The following ARID1B variants were observed in gnomAD, a reference collection of about 807,000 sequenced individuals.
ARID1B encodes the protein AT-rich interaction domain 1B.
Under a neutral mutation model 212.3 loss-of-function variants are expected in ARID1B, and 30 were observed. The ratio of observed to expected loss-of-function variants is 0.14; its 90% CI spans 0.11 to 0.19. The LOEUF (loss-of-function observed/expected upper bound fraction) is 0.19, where lower values mean the gene tolerates loss of function less well. ARID1B is among the 10% of genes least tolerant of loss of function. ARID1B has a pLI of 1.00. For missense variants in ARID1B, 2,891 were observed against 3,204.0 expected (o/e 0.90, Z 2.36); for synonymous variants, 1,402 against 1,301.7 (o/e 1.08, Z -1.66).
rs138510924 is a variant in ARID1B, at chr6:157,183,960, T to A, written c.3715-271T>A. Among the ~76,000 whole-genome samples the A allele has an allele frequency of 5.5e-3, 844 of 152,298 alleles. 10 individuals carry two copies. Among genetic ancestry groups the A allele is most frequent in the African/African-American group, 0.019 (810 of 41,554 alleles). ...GTTTTGAGATGCCCTTTTTCCTTAATTGGAGGTGCAGTGGGATGAGCGTGA... is the reference window on the plus strand; with the variant it reads ...GTTTTGAGATGCCCTTTTTCCTTAAATGGAGGTGCAGTGGGATGAGCGTGA... On this transcript the variant is annotated intron_variant, in intron 12 of 19. Coordinates refer to ENST00000636930, the MANE Select transcript of ARID1B (RefSeq NM_001374828.1).
chr6:157,149,786 C>CA (rs1376224521), intron 8 of ARID1B: 1 of 152,056 alleles, frequency 6.6e-6, no homozygotes, highest in Non-Finnish European at 1.5e-5. Context: ...CGATTTTTGT[C>CA]AAAGGGAAGC....
intron 4 of ARID1B, chr6:157,071,445 A>G (rs1402147679): frequency 6.6e-6 from 1 of 152,262 alleles, no homozygotes; most frequent in Non-Finnish European, 1.5e-5. Context: ...CAAATGAAAC[A>G]GGAACTTTAA....
In ARID1B at chr6:157,208,928, C is replaced by T. The variant is rs1583521226; in HGVS notation, c.*1037C>T. 1 of 228,280 alleles carries T rather than the reference C, an allele frequency of 4.4e-6. No homozygotes were observed. The highest frequency in any genetic ancestry group is 6.2e-5 in the East Asian group (1 of 16,032). 14.1% of individuals were successfully genotyped at this position (228,280 alleles called of 1,614,324 possible). A position where few individuals can be genotyped will look rare whatever the true frequency, so the allele number is the denominator to read the frequency against. ...GTTTCTGTATGTATAAAGTCATGCT[C>T]GATTTCAGGAGAGCAGCTGATCACA... On this transcript the variant is annotated 3_prime_UTR_variant, in exon 20 of 20. Coordinates refer to ENST00000636930, the MANE Select transcript of ARID1B (RefSeq NM_001374828.1).
chr6:156,878,176 T>A (rs1270845037), intron 2 of ARID1B, among the ~76,000 whole-genome samples: 1 of 152,128 alleles, frequency 6.6e-6, no homozygotes, highest in African/African-American at 2.4e-5. Context: ...ATTTTGAGGC[T>A]CTCCTTTAGT....
intron 3 of ARID1B, among the ~76,000 whole-genome samples, chr6:156,920,930 C>T (rs1440660738): frequency 6.6e-6 from 1 of 151,886 alleles, no homozygotes; most frequent in African/African-American, 2.4e-5. Flanking sequence ...TCTCAGCTCA[C>T]CACAACCTCC....
chr6:157,106,158 TA>T (rs1786463284), intron 5 of ARID1B, among the ~76,000 whole-genome samples: 1 of 151,912 alleles, frequency 6.6e-6, no homozygotes, highest in South Asian at 2.1e-4. Context: ...TTGAGTAAAC[TA>T]TGGAGCACTC....
chr6:156,912,085 A>G (rs1471202336), intron 3 of ARID1B, among the ~76,000 whole-genome samples: 1 of 152,176 alleles, frequency 6.6e-6, no homozygotes, highest in African/African-American at 2.4e-5. Context: ...CATGTAATGC[A>G]TATATAATAT....
intron 5 of ARID1B, among the ~76,000 whole-genome samples, chr6:157,098,219 C>A (rs1269105762): frequency 6.6e-6 from 1 of 152,184 alleles, no homozygotes; most frequent in Non-Finnish European, 1.5e-5. Context: ...CCGCCTCTTA[C>A]CTTACATCAA....
chr6:156,956,476 C>T (rs1241301845), intron 4 of ARID1B, among the ~76,000 whole-genome samples: 3 of 152,112 alleles, frequency 2.0e-5, no homozygotes, highest in African/African-American at 4.8e-5. Flanking sequence ...CTGGAGGTGG[C>T]CTCTAGGGAC....
At chr6:157,178,277 A>G (rs138327629) in intron 11 of ARID1B, among the ~76,000 whole-genome samples, 2 of 152,304 alleles carry the variant, frequency 1.3e-5, no homozygotes, top group African/African-American at 4.8e-5. Context: ...CTCATGGAAA[A>G]AAAAAATGCT....
intron 2 of ARID1B, among the ~76,000 whole-genome samples, chr6:156,900,757 A>G (rs1335435165): frequency 6.6e-6 from 1 of 152,174 alleles, no homozygotes; most frequent in Non-Finnish European, 1.5e-5. Flanking sequence ...GATTGAGGCC[A>G]TTTTTGTCTA....
intron 4 of ARID1B, among the ~76,000 whole-genome samples, chr6:157,060,100 A>G (rs1041082536): frequency 1.3e-5 from 2 of 152,204 alleles, no homozygotes; most frequent in African/African-American, 4.8e-5. Context: ...AAAAGAATGT[A>G]ATTAGTGAAA....
chr6:157,084,139 C>G (rs1025174138), intron 4 of ARID1B, among the ~76,000 whole-genome samples: 33 of 149,262 alleles, frequency 2.2e-4, no homozygotes, highest in African/African-American at 6.9e-4. Context: ...CATCACCTCC[C>G]CCCCAAAAAA....
At chr6:157,021,091 T>C (rs1780213208) in intron 4 of ARID1B, among the ~76,000 whole-genome samples, 1 of 151,330 alleles carries the variant, frequency 6.6e-6, no homozygotes, top group African/African-American at 2.4e-5. Flanking sequence ...GGCTGCGCTT[T>C]TACTCTTGGT....
intron 4 of ARID1B, among the ~76,000 whole-genome samples, chr6:156,953,273 T>C (rs916098513): frequency 6.6e-6 from 1 of 152,244 alleles, no homozygotes; most frequent in Non-Finnish European, 1.5e-5. Flanking sequence ...AGGGATCCAC[T>C]CAGCCCCCTT....
rs948509124 is a variant in ARID1B, at chr6:157,176,437, A to G, written c.3504+1432A>G. Among the ~76,000 whole-genome samples, 5 of 152,138 alleles carry G rather than the reference A, an allele frequency of 3.3e-5. No homozygotes were observed. The East Asian group carries it at 9.6e-4, about 29-fold the overall frequency. On this transcript the variant is annotated intron_variant, in intron 11 of 19. Transcript: ENST00000636930. Reference sequence around the variant, plus strand: ...TTTTTAATAGGAAAAGCATTCCTGAATCAGTAATGCTCTCAAGTTAACAGG... The same window carrying G: ...TTTTTAATAGGAAAAGCATTCCTGAGTCAGTAATGCTCTCAAGTTAACAGG...
chr6:156,853,011 T>C (rs1172400838), intron 2 of ARID1B, among the ~76,000 whole-genome samples: 1 of 152,260 alleles, frequency 6.6e-6, no homozygotes, highest in Non-Finnish European at 1.5e-5. Flanking sequence ...AGCTTTGTGC[T>C]TCCTTAAGGA....
At chr6:156,857,870 G>A (rs186468773) in intron 2 of ARID1B, among the ~76,000 whole-genome samples, 124 of 152,320 alleles carry the variant, frequency 8.1e-4, no homozygotes, top group Non-Finnish European at 1.2e-4. Flanking sequence ...GCAAACCTGT[G>A]CTGCATGTGA....
At chr6:157,135,088 A>ATT (rs200748744) in intron 7 of ARID1B, among the ~76,000 whole-genome samples, 5 of 142,488 alleles carry the variant, frequency 3.5e-5, no homozygotes, top group South Asian at 4.4e-4. Context: ...TATAGAATGG[A>ATT]TTTTTTTTTT....
Sources: allele counts gnomAD v4.1 joint callset (sites outside exome capture counted in the v4.1 genomes callset), GRCh38; gene constraint gnomAD v4.1.1; transcripts MANE v1.5; gene names NCBI Gene and HGNC (gene_info 2026-07-23, HGNC 2026-07-21).